Variants in STEEP1 observed in about 807,000 individuals in gnomAD.
STEEP1 encodes the protein STING1 ER exit protein 1, also known as STING ER exit protein.
A neutral mutation model predicts 19.2 loss-of-function variants in STEEP1; 3 were observed. The observed-to-expected ratio is 0.16, with a 90% CI of 0.07 to 0.40. STEEP1 has a LOEUF of 0.40. STEEP1 is among the 10% of genes least tolerant of loss of function. The pLI is 0.99. For missense variants in STEEP1, 54 were observed against 177.1 expected (o/e 0.30, Z 3.94); for synonymous variants, 46 against 63.7 (o/e 0.72, Z 1.32).
chrX:119,542,603 G>C lies in STEEP1; in HGVS notation c.424-9C>G, dbSNP rs778398833. The C allele has an allele frequency of 8.4e-7, 1 of 1,183,887 alleles. No homozygotes were observed. Among genetic ancestry groups the C allele is most frequent in the Admixed American group, 2.2e-5 (1 of 45,858 alleles). ...CGTTTGGTCATCATCACCTGGAGTG[G>C]CAGGCAAGAAGAAGTCAGTCCGGTT... On this transcript the variant is annotated splice_polypyrimidine_tract_variant and intron_variant, in intron 4 of 6. Coordinates refer to ENST00000644802, the MANE Select transcript of STEEP1 (RefSeq NM_022101.4).
intron 5 of STEEP1, among the ~76,000 whole-genome samples, 164 bp from the exon 6 acceptor site, chrX:119,541,584 A>T (rs976205234): frequency 2.7e-5 from 3 of 112,020 alleles, no homozygotes; most frequent in Admixed American, 9.5e-5. Context: ...AGGAGCACTT[A>T]GGGTATTTTG....
At chrX:119,542,997 C>CAAAAAAAAAAAAAAA (rs60574433) in intron 4 of STEEP1, among the ~76,000 whole-genome samples, 2 of 47,929 alleles carry the variant, frequency 4.2e-5, no homozygotes, top group Non-Finnish European at 7.3e-5. Flanking sequence ...CTGGGTCTCG[C>CAAAAAAAAAAAAAAA]AAAAAAAAAA....
rs199674022 is a variant in STEEP1, at chrX:119,565,248, C to T, written c.108G>A (p.Gln36=). 1 of 1,209,611 alleles carries T rather than the reference C, an allele frequency of 8.3e-7. No individual in the cohort carries two copies. Among genetic ancestry groups the T allele is most frequent in the Non-Finnish European group, 1.1e-6 (1 of 894,232 alleles). The stretch of plus-strand genomic sequence containing the variant: ...GCTACTCACCCAGCACTAGGACCAT[C>T]TGGCCGCACAAACAGTAGTAAACAT... ...PLHVYYCLCG[Q]MVLVLDCQLE... is the part of the protein sequence containing the mutation. The change falls in exon 1 of 7, where the codon CAG becomes CAA. Residue 36 remains glutamine (Q), a synonymous_variant. Coordinates refer to ENST00000644802, the MANE Select transcript of STEEP1 (RefSeq NM_022101.4).
chrX:119,541,249 C>T, intron 6 of STEEP1, 79 bp downstream of exon 6: 2 of 603,710 alleles, frequency 3.3e-6, no homozygotes, highest in Middle Eastern at 3.7e-4. Flanking sequence ...TAAAAGATTT[C>T]CCTGCCTGCT....
At chrX:119,539,856 C>T in intron 6 of STEEP1, 67 bp from the exon 7 acceptor site, 2 of 824,904 alleles carry the variant, frequency 2.4e-6, no homozygotes, top group Non-Finnish European at 3.6e-6. Context: ...CTTATTCTAA[C>T]CAACCCAAAC....
intron 2 of STEEP1, among the ~76,000 whole-genome samples, chrX:119,551,986 C>T (rs1053213517): frequency 9.2e-6 from 1 of 108,399 alleles, no homozygotes; most frequent in African/African-American, 3.4e-5. Flanking sequence ...TTGCAACCTC[C>T]GCCTCCCAGG....
At chrX:119,554,827 C>A (rs2053267688) in intron 2 of STEEP1, among the ~76,000 whole-genome samples, 1 of 111,358 alleles carries the variant, frequency 9.0e-6, no homozygotes, top group African/African-American at 3.3e-5. Context: ...AGATTTCAGG[C>A]CAGGCACGGT....
At chrX:119,558,111 G>A (rs1382605986) in intron 2 of STEEP1, among the ~76,000 whole-genome samples, 5 of 110,558 alleles carry the variant, frequency 4.5e-5, no homozygotes, top group East Asian at 2.9e-4. Flanking sequence ...GTTTCACTAC[G>A]TTGGCCAGCC....
chrX:119,565,247 T>C lies in STEEP1; in HGVS notation c.109A>G (p.Met37Val), dbSNP rs745833504. The C allele has an allele frequency of 8.3e-7, 1 of 1,208,995 alleles. No individual in the cohort carries two copies. The highest frequency in any genetic ancestry group is 1.1e-6 in the Non-Finnish European group (1 of 893,939). The part of the protein sequence containing the change: ...LHVYYCLCGQ[M>V]VLVLDCQLEK... ...GGCTACTCACCCAGCACTAGGACCA[T>C]CTGGCCGCACAAACAGTAGTAAACA... Residue 37 changes from methionine (M) to valine (V), a missense_variant, in exon 1 of 7, where the codon ATG becomes GTG. By Grantham distance (21) the Met-to-Val change is conservative (BLOSUM62 1). Around this residue, in one of 2 missense-constraint regions of STEEP1, gnomAD observed 47 missense variants for 118.5 expected, o/e 0.40. Transcript: ENST00000644802.
chrX:119,538,576 G>C lies in STEEP1; in HGVS notation c.*1151C>G, dbSNP rs912770109. ...TGCCTCCCAAGTAGCCGTGACTACA[G>C]GGGTATGCCGCCACACCTGGCTAAT... is the stretch of plus-strand genomic sequence containing the variant. On this transcript the variant is annotated 3_prime_UTR_variant, in exon 7 of 7. Transcript: ENST00000644802. 1 of 109,841 alleles carries C rather than the reference G, an allele frequency of 9.1e-6. No individual in the cohort carries two copies. Among genetic ancestry groups the C allele is most frequent in the African/African-American group, 3.3e-5 (1 of 30,152 alleles). The allele number at this position is 109,841 out of a possible 1,213,427, so 9.1% of individuals were successfully genotyped here.
At chrX:119,558,756 C>T (rs942870568) in intron 2 of STEEP1, among the ~76,000 whole-genome samples, 8 of 111,090 alleles carry the variant, frequency 7.2e-5, no homozygotes, top group African/African-American at 2.6e-4. Context: ...TTCTGCATCA[C>T]CAGGTTCTTC....
chrX:119,542,055 C>CTTTTTTTTTTTTTTT (rs201339708), intron 5 of STEEP1, among the ~76,000 whole-genome samples: 21 of 82,896 alleles, frequency 2.5e-4, no homozygotes, highest in Non-Finnish European at 4.1e-4. Flanking sequence ...CTTTTCTTTT[C>CTTTTTTTTTTTTTTT]TTTTTTTTTT....
chrX:119,543,980 T>C (rs1184478935), intron 4 of STEEP1, among the ~76,000 whole-genome samples: 1 of 111,577 alleles, frequency 9.0e-6, no homozygotes, highest in Non-Finnish European at 1.9e-5. Flanking sequence ...TACAATTACA[T>C]AGCATCTGTT....
chrX:119,545,765 T>G lies in STEEP1; in HGVS notation c.243-261A>C, dbSNP rs192780136. Among the ~76,000 whole-genome samples the G allele has an allele frequency of 8.0e-3, 883 of 110,431 alleles. 12 individuals are homozygous for G. The highest frequency in any genetic ancestry group is 0.028 in the African/African-American group (840 of 30,363). On this transcript the variant is annotated intron_variant, in intron 2 of 6. Coordinates refer to ENST00000644802, the MANE Select transcript of STEEP1 (RefSeq NM_022101.4). ...AAAATTAGCCGGGCGCAGTGGTGCA[T>G]GCCTATAATCTCAGCTACTCGGGAG...
chrX:119,545,325 C>CCTGGG (rs1226387942), intron 3 of STEEP1, 138 bp downstream of exon 3: 4 of 405,333 alleles, frequency 9.9e-6, no homozygotes, highest in Non-Finnish European at 4.4e-6. Context: ...TGCACTCCAG[C>CCTGGG]CTGGGCGACA....
At chrX:119,559,216 CA>C (rs767261970) in intron 2 of STEEP1, among the ~76,000 whole-genome samples, 135 of 100,969 alleles carry the variant, frequency 1.3e-3, no homozygotes, top group Non-Finnish European at 1.8e-3. Context: ...GAAACTCCGT[CA>C]AAAAAAAAAA....
intron 2 of STEEP1, among the ~76,000 whole-genome samples, chrX:119,556,982 C>G (rs1406944094): frequency 1.9e-5 from 2 of 107,698 alleles, no homozygotes; most frequent in African/African-American, 3.4e-5. Flanking sequence ...GTGTTGAAAC[C>G]CTGTCTCTAC....
At chrX:119,555,698 T>C (rs2053273959) in intron 2 of STEEP1, among the ~76,000 whole-genome samples, 1 of 110,632 alleles carries the variant, frequency 9.0e-6, no homozygotes, top group Admixed American at 9.8e-5. Context: ...TTTTGGGTAC[T>C]GAAATAACGG....
intron 2 of STEEP1, among the ~76,000 whole-genome samples, chrX:119,545,893 C>CAAA (rs71927150): frequency 1.8e-4 from 10 of 55,412 alleles, no homozygotes; most frequent in African/African-American, 4.2e-4. Context: ...AACTCCGTCT[C>CAAA]AAAAAAAAAA....
Sources: gnomAD v4.1 joint callset for allele counts (sites outside exome capture counted in the v4.1 genomes callset) on GRCh38, gnomAD v4.1.1 for gene constraint, gnomAD v4.1.1 regional missense constraint, MANE v1.5 for transcripts, NCBI Gene and HGNC (gene_info 2026-07-23, HGNC 2026-07-21) for gene names.